Variants in RS1 observed in about 807,000 individuals in gnomAD.
The protein encoded by RS1 is retinoschisin 1.
RS1 carries 2 observed loss-of-function variants against 20.8 expected under a neutral mutation model. The observed-to-expected ratio is 0.10, with a 90% CI of 0.04 to 0.30. The LOEUF (loss-of-function observed/expected upper bound fraction) is 0.30, where lower values mean the gene tolerates loss of function less well. Among genes scored for constraint, RS1 ranks in the 10% least tolerant of loss-of-function variants. RS1 has a pLI of 1.00. For synonymous variants in RS1, 70 were observed against 75.8 expected (o/e 0.92, Z 0.40); for missense variants, 151 against 189.8 (o/e 0.80, Z 1.20).
At chrX:18,659,261 G>A (rs779676582) in intron 1 of RS1, among the ~76,000 whole-genome samples, 30 of 110,922 alleles carry the variant, frequency 2.7e-4, no homozygotes, top group Non-Finnish European at 4.7e-4. Context: ...ATCACTTGAG[G>A]TCAGGAGTTC....
chrX:18,658,973 T>C (rs1216226847), intron 1 of RS1, among the ~76,000 whole-genome samples: 1 of 111,677 alleles, frequency 9.0e-6, no homozygotes, highest in Non-Finnish European at 1.9e-5. Flanking sequence ...AAAGTATAAG[T>C]ACCATATACA....
intron 1 of RS1, among the ~76,000 whole-genome samples, chrX:18,666,897 A>G (rs1361973944): frequency 1.8e-5 from 2 of 110,581 alleles, no homozygotes; most frequent in Non-Finnish European, 3.8e-5. Flanking sequence ...TTCAGCGAAG[A>G]CAAGGGATTT....
intron 3 of RS1, among the ~76,000 whole-genome samples, chrX:18,649,878 A>C (rs140686899): frequency 0.041 from 4,581 of 111,738 alleles, 236 homozygotes; most frequent in African/African-American, 0.14. Flanking sequence ...GCCAGGTGGC[A>C]GGGATTTTTC....
intron 3 of RS1, among the ~76,000 whole-genome samples, chrX:18,651,264 TGA>T (rs1191836877): frequency 0.16 from 10,932 of 68,461 alleles, 679 homozygotes; most frequent in Middle Eastern, 0.22. Context: ...TGTGTGTGTG[TGA>T]GAGAGAGAGA....
intron 1 of RS1, among the ~76,000 whole-genome samples, chrX:18,668,201 T>C (rs1349817600): frequency 8.9e-6 from 1 of 112,175 alleles, no homozygotes; most frequent in Admixed American, 9.5e-5. Context: ...ACATGTTACA[T>C]GAGACATCCG....
At chrX:18,647,904 TG>T in intron 3 of RS1, among the ~76,000 whole-genome samples, 1 of 109,064 alleles carries the variant, frequency 9.2e-6, no homozygotes, top group African/African-American at 3.4e-5. Context: ...AAAAAAAAAA[TG>T]GGTGAAATGT....
chrX:18,664,217 C>T (rs762001498), intron 1 of RS1, among the ~76,000 whole-genome samples: 3 of 112,661 alleles, frequency 2.7e-5, no homozygotes, highest in African/African-American at 6.4e-5. Context: ...CAATGGAACA[C>T]TATACTGCAA....
chrX:18,662,728 C>T (rs1379067816), intron 1 of RS1, among the ~76,000 whole-genome samples: 52 of 106,975 alleles, frequency 4.9e-4, no homozygotes, highest in African/African-American at 1.7e-3. Context: ...CCCGGGTTCA[C>T]ACCATTCTCC....
At chrX:18,663,032 C>CTTTTTTT (rs55857398) in intron 1 of RS1, among the ~76,000 whole-genome samples, 10 of 74,760 alleles carry the variant, frequency 1.3e-4, no homozygotes, top group African/African-American at 6.4e-4. Context: ...AGAACAATGA[C>CTTTTTTT]TTTTTTTTTT....
At chrX:18,657,386 A>T (rs777149099) in intron 2 of RS1, among the ~76,000 whole-genome samples, 1 of 107,764 alleles carries the variant, frequency 9.3e-6, no homozygotes, top group East Asian at 2.9e-4. Flanking sequence ...ATACCTGGCT[A>T]ATTTTTGTAT....
chrX:18,647,177 C>G lies in RS1; in HGVS notation c.326+14G>C, dbSNP rs370841048. On this transcript the variant is annotated intron_variant, in intron 4 of 5. Transcript: ENST00000379984. ...TTAAAAGCACATGAAAAAAAATCCC[C>G]GGGCCCTGCTTACCCAAAGCCTTGA... 48 of 1,210,176 alleles carry G rather than the reference C, an allele frequency of 4.0e-5. No individual in the cohort carries two copies. The highest frequency in any genetic ancestry group is 5.1e-5 in the Non-Finnish European group (46 of 894,955).
rs746374375 is a variant in RS1 at position 18,647,228 on chromosome X, T to G, written c.289A>C (p.Thr97Pro). The G allele has an allele frequency of 8.3e-7, 1 of 1,211,050 alleles. No homozygotes were observed. Among genetic ancestry groups the G allele is most frequent in the Admixed American group, 2.2e-5 (1 of 45,926 alleles). ...CTGTTGAGCCGGGCCTTGTTTGCAG[T>G]CCACGAAGAATACCAGCCCACATAC... is the stretch of plus-strand genomic sequence containing the variant. ...EQYVGWYSSW[T>P]ANKARLNSQG... Residue 97 changes from threonine (T) to proline (P), a missense_variant, in exon 4 of 6, where the codon ACT becomes CCT. Coordinates refer to ENST00000379984, the MANE Select transcript of RS1 (RefSeq NM_000330.4).
At chrX:18,648,730 G>A (rs1339280479) in intron 3 of RS1, among the ~76,000 whole-genome samples, 2 of 111,628 alleles carry the variant, frequency 1.8e-5, no homozygotes, top group African/African-American at 3.3e-5. Context: ...CTTTTTTCCT[G>A]TTGCCTAGAT....
intron 5 of RS1, among the ~76,000 whole-genome samples, chrX:18,643,659 G>A (rs149011498): frequency 3.5e-4 from 39 of 111,787 alleles, no homozygotes; most frequent in East Asian, 1.7e-3. Context: ...CGTCTTGGCC[G>A]TACAAATTGT....
At chrX:18,647,827 G>A (rs773642425) in intron 3 of RS1, among the ~76,000 whole-genome samples, 1 of 111,177 alleles carries the variant, frequency 9.0e-6, no homozygotes, top group Admixed American at 9.6e-5. Flanking sequence ...CAAGAAGGGC[G>A]ATGACATATT....
chrX:18,654,169 G>C (rs916306), intron 3 of RS1, among the ~76,000 whole-genome samples: 1 of 97,152 alleles, frequency 1.0e-5, no homozygotes, highest in East Asian at 3.2e-4. Context: ...TTTTTTTGGT[G>C]GGGGGGACAG....
chrX:18,653,233 C>T (rs1471161268), intron 3 of RS1, among the ~76,000 whole-genome samples: 1 of 111,993 alleles, frequency 8.9e-6, no homozygotes, highest in Non-Finnish European at 1.9e-5. Flanking sequence ...ATTTTTTGCT[C>T]TCAGAGTGCC....
At chrX:18,671,067 G>C (rs1410467788) in intron 1 of RS1, among the ~76,000 whole-genome samples, 1 of 112,110 alleles carries the variant, frequency 8.9e-6, no homozygotes, top group East Asian at 2.8e-4. Flanking sequence ...GCTGAGGCAG[G>C]AGGATGGCTT....
In RS1 at chrX:18,642,150, A is replaced by C. The variant is rs1453589894; in HGVS notation, c.529T>G (p.Tyr177Asp). The change falls in exon 6 of 6, where the codon TAT becomes GAT. Residue 177 changes from tyrosine to aspartate, a missense_variant. Coordinates refer to ENST00000379984, the MANE Select transcript of RS1 (RefSeq NM_000330.4). ...GTGGAGGTGCGGTCCGAGTTGCCAT[A>C]GAAGACCTAGAGAGATAGAGGAAAT... ...KDQTGNNRVF[Y>D]GNSDRTSTVQ... The C allele has an allele frequency of 8.3e-7, 1 of 1,211,365 alleles. No individual in the cohort carries two copies.
Sources: allele counts gnomAD v4.1 joint callset (sites outside exome capture counted in the v4.1 genomes callset), GRCh38; gene constraint gnomAD v4.1.1; transcripts MANE v1.5; gene names NCBI Gene and HGNC (gene_info 2026-07-23, HGNC 2026-07-21).